The following NRXN3 variants were observed in gnomAD, a reference collection of about 807,000 sequenced individuals.
NRXN3 encodes neurexin III.
A neutral mutation model predicts 137.6 loss-of-function variants in NRXN3; 32 were observed. That is an observed-to-expected ratio of 0.23 (90% CI 0.18 to 0.31). The LOEUF is 0.31. Among genes scored for constraint, NRXN3 ranks in the 10% least tolerant of loss-of-function variants. NRXN3 has a pLI of 1.00. For missense variants in NRXN3, 1,574 were observed against 2,062.5 expected (o/e 0.76, Z 4.59); for synonymous variants, 798 against 784.5 (o/e 1.02, Z -0.29).
intron 15 of NRXN3, among the ~76,000 whole-genome samples, chr14:79,233,516 G>A (rs1643993395): frequency 6.6e-6 from 1 of 152,024 alleles, no homozygotes; most frequent in South Asian, 2.1e-4. Flanking sequence ...TGTAATCCGT[G>A]ATTTGGTTCT....
At chr14:79,446,694 A>C (rs2153579135) in intron 15 of NRXN3, among the ~76,000 whole-genome samples, 1 of 152,198 alleles carries the variant, frequency 6.6e-6, no homozygotes, top group Non-Finnish European at 1.5e-5. Context: ...ATACTAGTTA[A>C]ATAGTTTCTC....
rs2154076461 is a variant in NRXN3, at chr14:79,736,775, G to A, written c.4014+38838G>A. 1.3e-5 allele frequency among the ~76,000 whole-genome samples: 2 copies of A among 152,254 alleles called. 1 individual carries two copies. The highest frequency in any genetic ancestry group is 3.9e-4 in the East Asian group (2 of 5,182). On this transcript the variant is annotated intron_variant, in intron 19 of 20. Transcript: ENST00000335750. ...GTTTGACATAATGGGAGTACTAGAAGCAAGAAGCCAGCAAGTCTAGCAGAC... is the reference window on the plus strand; with the variant it reads ...GTTTGACATAATGGGAGTACTAGAAACAAGAAGCCAGCAAGTCTAGCAGAC...
At chr14:78,185,316 G>T (rs960529299) in intron 1 of NRXN3, among the ~76,000 whole-genome samples, 4 of 152,202 alleles carry the variant, frequency 2.6e-5, no homozygotes, top group African/African-American at 2.4e-5. Flanking sequence ...CCCCAAGGAG[G>T]TGGAATTTAA....
intron 15 of NRXN3, among the ~76,000 whole-genome samples, chr14:79,369,961 A>G (rs865811661): frequency 3.9e-5 from 6 of 152,208 alleles, no homozygotes; most frequent in Admixed American, 6.5e-5. Flanking sequence ...CTTTCCGTAT[A>G]TGGAGTTTCT....
At chr14:79,304,713 T>C (rs1183344601) in intron 15 of NRXN3, among the ~76,000 whole-genome samples, 1 of 152,094 alleles carries the variant, frequency 6.6e-6, no homozygotes, top group East Asian at 1.9e-4. Context: ...CAAGTTAAGT[T>C]CTGCTGATGT....
intron 8 of NRXN3, among the ~76,000 whole-genome samples, chr14:78,733,434 T>C (rs1274219982): frequency 1.3e-5 from 2 of 152,178 alleles, no homozygotes; most frequent in Non-Finnish European, 2.9e-5. Flanking sequence ...CTAGTCTATG[T>C]AGCCATTTCA....
chr14:79,221,439 C>T (rs145957446), intron 15 of NRXN3, among the ~76,000 whole-genome samples: 4,180 of 152,118 alleles, frequency 0.027, 141 homozygotes, highest in South Asian at 0.086. Flanking sequence ...TTTTAATTAT[C>T]GCTATTCTAA....
intron 17 of NRXN3, 78 bp downstream of exon 17, chr14:79,664,027 C>T: frequency 7.0e-7 from 1 of 1,431,360 alleles, no homozygotes; most frequent in Non-Finnish European, 9.7e-7. Flanking sequence ...TTTCTCATGA[C>T]TGTCACCAAA....
intron 15 of NRXN3, among the ~76,000 whole-genome samples, chr14:79,460,957 T>G (rs1165406856): frequency 1.3e-5 from 2 of 152,230 alleles, no homozygotes; most frequent in African/African-American, 4.8e-5. Context: ...TTCTGGTGTT[T>G]ATTTCAAAAA....
At chr14:79,491,793 A>C (rs1015798838) in intron 16 of NRXN3, among the ~76,000 whole-genome samples, 1 of 152,172 alleles carries the variant, frequency 6.6e-6, no homozygotes, top group Non-Finnish European at 1.5e-5. Context: ...TCTCCTTTGT[A>C]TGAAGTAAAT....
chr14:78,401,647 C>T (rs1185116472), intron 4 of NRXN3, among the ~76,000 whole-genome samples: 2 of 152,176 alleles, frequency 1.3e-5, no homozygotes, highest in Non-Finnish European at 2.9e-5. Context: ...TTGGAAGGGA[C>T]ATAAACATTC....
intron 17 of NRXN3, among the ~76,000 whole-genome samples, chr14:79,678,750 A>G (rs2098654003): frequency 6.6e-6 from 1 of 152,164 alleles, no homozygotes; most frequent in African/African-American, 2.4e-5. Flanking sequence ...TTTTGACAAG[A>G]CAGCAATGGT....
At chr14:79,776,578 G>C (rs973942804) in intron 19 of NRXN3, among the ~76,000 whole-genome samples, 1 of 152,144 alleles carries the variant, frequency 6.6e-6, no homozygotes, top group African/African-American at 2.4e-5. Flanking sequence ...GTGCTGTTCT[G>C]TATTGCCCTA....
intron 4 of NRXN3, among the ~76,000 whole-genome samples, chr14:78,597,442 T>C (rs1236897193): frequency 6.6e-6 from 1 of 152,256 alleles, no homozygotes; most frequent in East Asian, 1.9e-4. Context: ...TTTCTTTGTT[T>C]TTTTTCCAGT....
intron 6 of NRXN3, among the ~76,000 whole-genome samples, chr14:78,658,953 C>T (rs756884215): frequency 3.3e-5 from 5 of 152,184 alleles, no homozygotes; most frequent in African/African-American, 7.2e-5. Context: ...AAAGCAATTA[C>T]GGCATCTCAG....
intron 16 of NRXN3, among the ~76,000 whole-genome samples, chr14:79,479,271 T>G (rs964804623): frequency 1.3e-5 from 2 of 152,102 alleles, no homozygotes; most frequent in Non-Finnish European, 2.9e-5. Context: ...CTGTGTTTGC[T>G]GTTTTTTTAA....
At chr14:78,271,482 A>AG (rs947417442) in intron 2 of NRXN3, among the ~76,000 whole-genome samples, 1 of 112,716 alleles carries the variant, frequency 8.9e-6, no homozygotes, top group Non-Finnish European at 2.1e-5. Flanking sequence ...CATTTAAAAA[A>AG]AAAAAAAAAC....
chr14:79,635,925 A>G lies in NRXN3; in HGVS notation c.3445-27853A>G, dbSNP rs1344020923. Among the ~76,000 whole-genome samples, 3 of 152,004 alleles carry G rather than the reference A, an allele frequency of 2.0e-5. No homozygotes were observed. The South Asian group carries it at 6.2e-4, about 32-fold the overall frequency. ...TATGGAACCATGAGATCTCATGAGA[A>G]CTCACTATCATGAGAACAGCATGGG... On this transcript the variant is annotated intron_variant, in intron 16 of 20. Coordinates refer to ENST00000335750, the MANE Select transcript of NRXN3 (RefSeq NM_001330195.2).
intron 19 of NRXN3, among the ~76,000 whole-genome samples, chr14:79,740,754 ATATATATATATAT>A (rs2098960193): frequency 1.8e-5 from 2 of 108,964 alleles, no homozygotes; most frequent in African/African-American, 7.3e-5. Context: ...ATATATATAT[ATATATATATATAT>A]AACCTTACTT....
Sources: allele counts gnomAD v4.1 joint callset (sites outside exome capture counted in the v4.1 genomes callset), GRCh38; gene constraint gnomAD v4.1.1; transcripts MANE v1.5; gene names NCBI Gene and HGNC (gene_info 2026-07-23, HGNC 2026-07-21).